Variants in PTPRD observed in about 807,000 individuals in gnomAD.
PTPRD encodes the protein protein tyrosine phosphatase receptor type D.
PTPRD carries 34 observed loss-of-function variants against 214.5 expected under a neutral mutation model. The observed-to-expected ratio is 0.16, with a 90% CI of 0.12 to 0.21. The LOEUF (loss-of-function observed/expected upper bound fraction) is 0.21, where lower values mean the gene tolerates loss of function less well. PTPRD is among the 10% of genes least tolerant of loss of function. The pLI is 1.00. For synonymous variants in PTPRD, 1,128 were observed against 845.7 expected, an observed-to-expected ratio of 1.33 and a Z score of -5.79; for missense variants, 2,545 against 2,398.7, an observed-to-expected ratio of 1.06 and a Z score of -1.27.
intron 11 of PTPRD, among the ~76,000 whole-genome samples, chr9:8,947,312 A>C (rs1287646702): frequency 6.6e-6 from 1 of 151,720 alleles, no homozygotes; most frequent in East Asian, 1.9e-4. Flanking sequence ...AAATACAAAA[A>C]GTTAGCTGGG....
At chr9:8,793,971 G>A (rs1003167123) in intron 11 of PTPRD, among the ~76,000 whole-genome samples, 3 of 152,172 alleles carry the variant, frequency 2.0e-5, no homozygotes, top group Non-Finnish European at 2.9e-5. Context: ...GAAGTTCTTC[G>A]ATTCCCTGCA....
chr9:8,499,679 T>G lies in PTPRD; in HGVS notation c.2290A>C (p.Met764Leu). ...MENGEPKGQPMLKDVMLADAQ... is the reference protein window; with the variant it reads ...MENGEPKGQPLLKDVMLADAQ... ...TCAGCCAGCATGACATCTTTCAGCA[T>G]GGGCTGGCCCTTGGGCTCACCATTT... is the stretch of plus-strand genomic sequence containing the variant. Residue 764 changes from methionine (M) to leucine (L), a missense_variant, in exon 25 of 46, where the codon ATG (methionine) becomes CTG (leucine). Met to Leu is a conservative substitution (Grantham distance 15). Transcript: ENST00000381196. 6.2e-7 allele frequency: 1 copy of G among 1,613,794 alleles called. No homozygotes were observed. The highest frequency in any genetic ancestry group is 1.1e-5 in the South Asian group (1 of 90,964).
chr9:10,519,446 A>G (rs1425473975), intron 2 of PTPRD, among the ~76,000 whole-genome samples: 1 of 152,138 alleles, frequency 6.6e-6, no homozygotes, highest in African/African-American at 2.4e-5. Context: ...ACATCTAACA[A>G]TTAACCAATA....
At position 9,109,909 on chromosome 9, in the gene PTPRD, A is replaced by G. The variant is rs185135474; in HGVS notation, c.-143+73395T>C. 3.3e-4 allele frequency among the ~76,000 whole-genome samples: 50 copies of G among 152,196 alleles called. 1 individual carries two copies. The highest frequency in any genetic ancestry group is 3.3e-3 in the Admixed American group (50 of 15,274). ...TTTTGAAAATCGATATGTAGACTGA[A>G]GATGAGGGAGACATTTCTATAAGGG... On this transcript the variant is annotated intron_variant, in intron 10 of 45. Transcript: ENST00000381196.
chr9:8,940,471 T>G (rs1179673027), intron 11 of PTPRD, among the ~76,000 whole-genome samples: 1 of 139,490 alleles, frequency 7.2e-6, no homozygotes, highest in Non-Finnish European at 1.5e-5. Context: ...TTTGGTATTT[T>G]TAATAGAGAC....
chr9:8,542,999 G>A (rs181492562), intron 14 of PTPRD, among the ~76,000 whole-genome samples: 1 of 152,144 alleles, frequency 6.6e-6, no homozygotes, highest in South Asian at 2.1e-4. Context: ...GAGTATGACA[G>A]CCAATGGTCT....
At position 8,436,621 on chromosome 9, in the gene PTPRD, C is replaced by G. The variant is rs1478387796; in HGVS notation, c.4057G>C (p.Asp1353His). ...TATTCCTGGGAAAACTTCAAGTTGT[C>G]ATTTGCTTTCAATCTTTCAATGTGG... The part of the protein sequence containing the change: ...ADHIERLKAN[D>H]NLKFSQEYES... The change falls in exon 35 of 46, where the codon GAC becomes CAC. Residue 1353 changes from aspartate (D) to histidine (H), a missense_variant. Transcript: ENST00000381196. 6.2e-7 allele frequency: 1 copy of G among 1,613,376 alleles called. No homozygotes were observed. The highest frequency in any genetic ancestry group is 1.3e-5 in the African/African-American group (1 of 75,016).
chr9:9,002,425 A>T (rs912119506), intron 11 of PTPRD, among the ~76,000 whole-genome samples: 17 of 152,068 alleles, frequency 1.1e-4, no homozygotes, highest in African/African-American at 3.6e-4. Flanking sequence ...ACAGACGGAT[A>T]CACCACTATT....
intron 9 of PTPRD, among the ~76,000 whole-genome samples, chr9:9,370,293 G>A (rs933266899): frequency 6.6e-6 from 1 of 152,054 alleles, no homozygotes; most frequent in Non-Finnish European, 1.5e-5. Context: ...TCCCTGAGCA[G>A]TGGTTTGTAG....
intron 11 of PTPRD, among the ~76,000 whole-genome samples, chr9:8,804,478 G>A (rs987041714): frequency 7.2e-5 from 11 of 151,846 alleles, no homozygotes; most frequent in African/African-American, 2.7e-4. Context: ...CATGCCTGTG[G>A]TCCCAATTAC....
chr9:9,611,806 T>C (rs1448520393), intron 7 of PTPRD, among the ~76,000 whole-genome samples: 1 of 152,134 alleles, frequency 6.6e-6, no homozygotes. Flanking sequence ...TATTAATTCC[T>C]GGTTTATGTT....
intron 8 of PTPRD, among the ~76,000 whole-genome samples, chr9:9,402,978 A>AC (rs1432499050): frequency 4.1e-4 from 60 of 144,696 alleles, no homozygotes; most frequent in Non-Finnish European, 5.6e-4. Context: ...AAAAAAAAAA[A>AC]AAAAAAAAAA....
At chr9:9,989,831 G>C (rs2095852097) in intron 4 of PTPRD, among the ~76,000 whole-genome samples, 1 of 152,180 alleles carries the variant, frequency 6.6e-6, no homozygotes, top group African/African-American at 2.4e-5. Context: ...GTTCTTGCTG[G>C]TGCCCAAAGT....
At chr9:8,437,995 A>C (rs1263332606) in intron 34 of PTPRD, among the ~76,000 whole-genome samples, 1 of 152,174 alleles carries the variant, frequency 6.6e-6, no homozygotes, top group South Asian at 2.1e-4. Context: ...TATAAATTCC[A>C]GCTGGCTACA....
At position 8,536,691 on chromosome 9, in the gene PTPRD, G is replaced by A. The variant is rs193243249; in HGVS notation, c.353-7912C>T. On this transcript the variant is annotated intron_variant, in intron 14 of 45. Transcript: ENST00000381196. Reference sequence around the variant, plus strand: ...TTACCTAGGAAGGGCTGAGAATGGCGGGCCTTCTGCCATGAGCAGGCACCA... The same window carrying A: ...TTACCTAGGAAGGGCTGAGAATGGCAGGCCTTCTGCCATGAGCAGGCACCA... Among the ~76,000 whole-genome samples the A allele has an allele frequency of 4.1e-3, 625 of 152,040 alleles. 3 individuals carry two copies. Among genetic ancestry groups the A allele is most frequent in the Non-Finnish European group, 6.5e-3 (439 of 67,916 alleles).
intron 8 of PTPRD, among the ~76,000 whole-genome samples, chr9:9,501,567 T>C (rs2096415498): frequency 6.6e-6 from 1 of 151,982 alleles, no homozygotes; most frequent in South Asian, 2.1e-4. Context: ...AATCTTGTTC[T>C]AGTTAATGTA....
At chr9:8,573,641 C>T (rs983462596) in intron 14 of PTPRD, among the ~76,000 whole-genome samples, 1 of 151,928 alleles carries the variant, frequency 6.6e-6, no homozygotes, top group Middle Eastern at 3.4e-3. Context: ...CACAAGCCTG[C>T]CTTTGTTTCA....
chr9:8,879,929 A>G (rs924112022), intron 11 of PTPRD, among the ~76,000 whole-genome samples: 1 of 152,174 alleles, frequency 6.6e-6, no homozygotes, highest in Admixed American at 6.5e-5. Context: ...ACAGAAAAGG[A>G]GCAACCTCTT....
chr9:8,425,139 T>C (rs1333624751), intron 35 of PTPRD, among the ~76,000 whole-genome samples: 1 of 152,166 alleles, frequency 6.6e-6, no homozygotes, highest in Non-Finnish European at 1.5e-5. Context: ...ATTTTACAAT[T>C]AAATACATAA....
Sources: allele counts gnomAD v4.1 joint callset (sites outside exome capture counted in the v4.1 genomes callset), GRCh38; gene constraint gnomAD v4.1.1; transcripts MANE v1.5; gene names NCBI Gene and HGNC (gene_info 2026-07-23, HGNC 2026-07-21).